WNK1: variants seen among roughly 807,000 people sequenced by gnomAD.
The protein encoded by WNK1 is serine/threonine-protein kinase WNK1.
A neutral mutation model predicts 222.8 loss-of-function variants in WNK1; 38 were observed. The ratio of observed to expected loss-of-function variants is 0.17; its 90% CI spans 0.13 to 0.22. The LOEUF (loss-of-function observed/expected upper bound fraction) is 0.22. WNK1 is among the 10% of genes least tolerant of loss of function. The pLI is 1.00. For synonymous variants in WNK1, 1,090 were observed against 1,092.9 expected (o/e 1.00, Z 0.05); for missense variants, 2,348 against 2,918.4 (o/e 0.80, Z 4.50).
intron 2 of WNK1, among the ~76,000 whole-genome samples, chr12:824,340 CT>C (rs1948174105): frequency 6.7e-6 from 1 of 148,952 alleles, no homozygotes; most frequent in Non-Finnish European, 1.5e-5. Context: ...ACTTTTCATT[CT>C]CACCAAACTT....
intron 2 of WNK1, among the ~76,000 whole-genome samples, chr12:825,579 C>G (rs911458740): frequency 6.6e-6 from 1 of 152,048 alleles, no homozygotes; most frequent in Non-Finnish European, 1.5e-5. Flanking sequence ...ATAGATAAGT[C>G]ATTATTAAAT....
chr12:757,333 T>TAAA (rs368419754), intron 1 of WNK1, among the ~76,000 whole-genome samples: 8 of 71,488 alleles, frequency 1.1e-4, no homozygotes, highest in African/African-American at 4.9e-4. Flanking sequence ...TTTTTTTTTT[T>TAAA]AAAAAAAAAA....
At chr12:842,691 C>T (rs1485339824) in intron 4 of WNK1, among the ~76,000 whole-genome samples, 1 of 151,878 alleles carries the variant, frequency 6.6e-6, no homozygotes, top group African/African-American at 2.4e-5. Flanking sequence ...AAAACTTGTT[C>T]CTTTGAATTT....
At position 753,802 on chromosome 12, in the gene WNK1, C is replaced by T. The variant is rs931039841; in HGVS notation, c.237C>T (p.Phe79=). ...CCACTACCACCACTGAGCACCGCTT[C>T]TTCCGCCGGAGCGTCATCTGTGACT... ...AATTTTTEHR[F]FRRSVICDSN... The change falls in exon 1 of 28, where the codon TTC becomes TTT. Residue 79 remains phenylalanine, a synonymous_variant. Coordinates refer to ENST00000315939, the MANE Select transcript of WNK1 (RefSeq NM_018979.4). This position sits in a 1 kb window ranked among gnomAD's most constrained non-coding sequence, Gnocchi z 5.2. 38 of 1,612,588 alleles carry T rather than the reference C, an allele frequency of 2.4e-5. No individual in the cohort carries two copies. The highest frequency in any genetic ancestry group is 3.0e-5 in the Non-Finnish European group (35 of 1,179,970).
intron 1 of WNK1, among the ~76,000 whole-genome samples, chr12:791,707 G>C (rs1473341388): frequency 3.3e-5 from 5 of 152,116 alleles, no homozygotes; most frequent in African/African-American, 1.2e-4. Flanking sequence ...GTCATTTACA[G>C]CTTACTTAGC....
At chr12:858,344 C>T (rs976445237) in intron 5 of WNK1, among the ~76,000 whole-genome samples, 9 of 152,016 alleles carry the variant, frequency 5.9e-5, no homozygotes, top group African/African-American at 1.9e-4. Context: ...CGCACATCAC[C>T]GCACCTGGCT....
Position 824,216 on chromosome 12 carries a change from C to CTT in WNK1, c.933-2809_933-2808dup, listed in dbSNP as rs1207566592. On this transcript the variant is annotated intron_variant, in intron 2 of 27. Transcript: ENST00000315939. ...CAGCCACTGCACCTGGCAGAGACATCTTTTTTTTTTTTTTTTTTGTCCTAT... is the reference window on the plus strand; with the variant it reads ...CAGCCACTGCACCTGGCAGAGACATCTTTTTTTTTTTTTTTTTTTTGTCCTAT... 4.4e-3 allele frequency among the ~76,000 whole-genome samples: 549 copies of CTT among 126,090 alleles called. 3 individuals are homozygous for CTT. The highest frequency in any genetic ancestry group is 0.012 in the African/African-American group (415 of 34,646). 82.7% of individuals were successfully genotyped at this position (126,090 alleles called of 152,430 possible).
intron 1 of WNK1, among the ~76,000 whole-genome samples, chr12:757,324 TTTTTTTTTTA>T: frequency 2.0e-5 from 2 of 102,266 alleles, no homozygotes; most frequent in South Asian, 6.8e-4. Context: ...TTTTTTTTTT[TTTTTTTTTTA>T]AAAAAAAAAA....
intron 4 of WNK1, among the ~76,000 whole-genome samples, chr12:852,329 T>A (rs1393867529): frequency 6.6e-6 from 1 of 152,212 alleles, no homozygotes; most frequent in East Asian, 1.9e-4. Flanking sequence ...CATTTTTTTG[T>A]ACCCCATTTA....
At chr12:878,031 CAAAG>C (rs757122617) in intron 9 of WNK1, 177 bp from the exon 10 acceptor site, 3 of 759,990 alleles carry the variant, frequency 3.9e-6, no homozygotes, top group Admixed American at 2.5e-5. Context: ...GGCACCATCA[CAAAG>C]AACATCAGAG....
rs945334157 is a variant in WNK1, at chr12:879,648, C to G, written c.2449C>G (p.Pro817Ala). 1 of 1,613,344 alleles carries G rather than the reference C, an allele frequency of 6.2e-7. No individual in the cohort carries two copies. The highest frequency in any genetic ancestry group is 8.5e-7 in the Non-Finnish European group (1 of 1,179,924). Residue 817 changes from proline (P) to alanine (A), a missense_variant, in exon 11 of 28, where the codon CCA becomes GCA. Around this residue, in one of 13 missense-constraint regions of WNK1, gnomAD observed 547 missense variants for 558.3 expected, o/e 0.98. Transcript: ENST00000315939. The part of the protein sequence containing the change: ...IPVATQPSVV[P>A]VHSGAHFLPV... ...AGTTGCGACACAACCCTCGGTTGTT[C>G]CAGTCCACTCTGGTGCTCATTTCCT... is the stretch of plus-strand genomic sequence containing the variant.
At position 885,065 on chromosome 12, in the gene WNK1, G is replaced by A. The variant is rs754651135; in HGVS notation, c.4261G>A (p.Val1421Ile). 1 of 1,614,198 alleles carries A rather than the reference G, an allele frequency of 6.2e-7. No homozygotes were observed. The highest frequency in any genetic ancestry group is 1.1e-5 in the South Asian group (1 of 91,090). Residue 1421 changes from valine (V) to isoleucine (I), a missense_variant, in exon 19 of 28, where the codon GTT becomes ATT. Around this residue, in one of 13 missense-constraint regions of WNK1, gnomAD observed 1,144 missense variants for 1,273.6 expected, o/e 0.90. Coordinates refer to ENST00000315939, the MANE Select transcript of WNK1 (RefSeq NM_018979.4). ...AGTTTCAAGTATCACAATACCTGCAGTTGTCTCAATATCTACTACATCCCC... is the reference window on the plus strand; with the variant it reads ...AGTTTCAAGTATCACAATACCTGCAATTGTCTCAATATCTACTACATCCCC... ...SVVSSITIPA[V>I]VSISTTSPSL...
At chr12:777,174 T>A in intron 1 of WNK1, among the ~76,000 whole-genome samples, 1 of 150,762 alleles carries the variant, frequency 6.6e-6, no homozygotes, top group East Asian at 1.9e-4. Context: ...TTTTTTGTTT[T>A]TTTTTTTGAG....
intron 24 of WNK1, 70 bp from the exon 25 acceptor site, chr12:897,409 T>C: frequency 1.0e-6 from 1 of 994,082 alleles, no homozygotes; most frequent in Non-Finnish European, 1.6e-6. Context: ...GGTTTAGGAA[T>C]ATGCTGTTAA....
intron 4 of WNK1, among the ~76,000 whole-genome samples, chr12:856,265 T>C (rs1219593243): frequency 2.0e-5 from 3 of 151,540 alleles, no homozygotes; most frequent in Admixed American, 2.0e-4. Context: ...CTGGCCAACA[T>C]GGAGAAACCC....
chr12:901,160 A>G, intron 26 of WNK1: 1 of 236,530 alleles, frequency 4.2e-6, no homozygotes, highest in Non-Finnish European at 8.4e-6. Context: ...AAAAATTCCC[A>G]CAGAGGAAAG....
In WNK1 at chr12:879,789, A is replaced by C; in HGVS notation, c.2590A>C (p.Thr864Pro). The C allele has an allele frequency of 6.2e-7, 1 of 1,613,630 alleles. No homozygotes were observed. The highest frequency in any genetic ancestry group is 8.5e-7 in the Non-Finnish European group (1 of 1,179,906). ...GACAGGTTTCTCATCCCTTCCCATCACAATGGCAGCTGGCATTACTCAGCC... is the reference window on the plus strand; with the variant it reads ...GACAGGTTTCTCATCCCTTCCCATCCCAATGGCAGCTGGCATTACTCAGCC... Reference protein sequence around the residue: ...AQTGFSSLPITMAAGITQPLL... With the variant: ...AQTGFSSLPIPMAAGITQPLL... Residue 864 changes from threonine to proline, a missense_variant, in exon 11 of 28, where the codon ACA (threonine) becomes CCA (proline). Physicochemically the swap from Thr to Pro is conservative, Grantham distance 38 (BLOSUM62 -1). This residue lies in a region of WNK1 where 547 missense variants were observed against 558.3 expected (regional missense o/e 0.98). Coordinates refer to ENST00000315939, the MANE Select transcript of WNK1 (RefSeq NM_018979.4).
At chr12:814,082 G>A (rs112750167) in intron 2 of WNK1, among the ~76,000 whole-genome samples, 1 of 152,280 alleles carries the variant, frequency 6.6e-6, no homozygotes, top group African/African-American at 2.4e-5. Context: ...GGGAGGCCGG[G>A]GCAGGCGGAT....
Position 861,986 on chromosome 12 carries a change from C to T in WNK1, c.1952-97C>T, listed in dbSNP as rs1238495154. The stretch of plus-strand genomic sequence containing the variant: ...TCTGTGCAAGGAATAACTAGTTACC[C>T]CTAATATAATGGGTCTAAATATGAG... On this transcript the variant is annotated intron_variant, in intron 7 of 27. Transcript: ENST00000315939. The T allele has an allele frequency of 6.7e-6, 9 of 1,346,548 alleles. No individual in the cohort carries two copies. The Admixed American group carries it at 7.2e-5, about 11-fold the overall frequency. The allele number at this position is 1,346,548 out of a possible 1,614,324, so 83.4% of individuals were successfully genotyped here. A position where few individuals can be genotyped will look rare whatever the true frequency, so the allele number is the denominator to read the frequency against.
Sources: allele counts gnomAD v4.1 joint callset (sites outside exome capture counted in the v4.1 genomes callset), GRCh38; gene constraint gnomAD v4.1.1; regional missense constraint gnomAD v4.1.1; non-coding constraint Gnocchi (gnomAD v3.1); transcripts MANE v1.5; gene names NCBI Gene and HGNC (gene_info 2026-07-23, HGNC 2026-07-21).